ACTR10: variants seen among roughly 807,000 people sequenced by gnomAD.
ACTR10 encodes the protein actin related protein 10.
Under a neutral mutation model 56.2 loss-of-function variants are expected in ACTR10, and 43 were observed. The observed-to-expected ratio is 0.77, with a 90% CI of 0.60 to 0.99. ACTR10 has a LOEUF of 0.99. Ranked by LOEUF, ACTR10 falls within the 50% of genes least tolerant of loss-of-function variation. ACTR10 has a pLI of 0.00. For missense variants in ACTR10, 466 were observed against 507.8 expected (o/e 0.92, Z 0.79); for synonymous variants, 170 against 176.3 (o/e 0.96, Z 0.28).
intron 2 of ACTR10, 35 bp downstream of exon 2, chr14:58,202,962 A>G (rs750883909): frequency 3.0e-6 from 4 of 1,330,668 alleles, no homozygotes; most frequent in Non-Finnish European, 4.3e-6. Context: ...AATAAATGCC[A>G]TACTATAAAA....
At chr14:58,219,777 TG>T (rs1889221012) in intron 8 of ACTR10, 48 bp downstream of exon 8, 1 of 1,251,476 alleles carries the variant, frequency 8.0e-7, no homozygotes, top group Non-Finnish European at 1.1e-6. Flanking sequence ...AGTGTTACTT[TG>T]GAGGGCATAT....
chr14:58,216,536 A>G lies in ACTR10; in HGVS notation c.598+1252A>G, dbSNP rs973029550. Among the ~76,000 whole-genome samples the G allele has an allele frequency of 2.0e-5, 3 of 152,332 alleles. No homozygotes were observed. In the East Asian group the frequency reaches 5.8e-4, roughly 29 times the overall value. On this transcript the variant is annotated intron_variant, in intron 7 of 12. Coordinates refer to ENST00000254286, the MANE Select transcript of ACTR10 (RefSeq NM_018477.3). ...TCTGTTGGATATAAATGTTTCTTCAAAATCTGAGTTTGTTCTACCTCTTAT... is the reference window on the plus strand; with the variant it reads ...TCTGTTGGATATAAATGTTTCTTCAGAATCTGAGTTTGTTCTACCTCTTAT...
chr14:58,208,940 A>T, intron 3 of ACTR10, 59 bp from the exon 4 acceptor site: 1 of 1,121,456 alleles, frequency 8.9e-7, no homozygotes, highest in Non-Finnish European at 1.3e-6. Context: ...CTTAAATTGT[A>T]TGACTTAACA....
chr14:58,223,877 G>T (rs200157500), intron 10 of ACTR10, 21 bp downstream of exon 10: 1 of 1,564,330 alleles, frequency 6.4e-7, no homozygotes, highest in Non-Finnish European at 8.7e-7. Context: ...AAATTTTTAC[G>T]GCAAAGTAGT....
rs756526226 is a variant in ACTR10 at position 58,225,807 on chromosome 14, G to T, written c.788+1951G>T. On this transcript the variant is annotated intron_variant, in intron 10 of 12. Coordinates refer to ENST00000254286, the MANE Select transcript of ACTR10 (RefSeq NM_018477.3). Reference sequence around the variant, plus strand: ...GGCTCACTGCAGCCTCCTTCTCCTGGGTTCAAGCAATTCTCATGCCTCAAC... The same window carrying T: ...GGCTCACTGCAGCCTCCTTCTCCTGTGTTCAAGCAATTCTCATGCCTCAAC... Among the ~76,000 whole-genome samples the T allele has an allele frequency of 2.6e-5, 4 of 151,660 alleles. No homozygotes were observed. The East Asian group carries it at 7.7e-4, about 29-fold the overall frequency.
At chr14:58,221,450 A>G (rs1277020762) in intron 8 of ACTR10, among the ~76,000 whole-genome samples, 2 of 151,968 alleles carry the variant, frequency 1.3e-5, no homozygotes, top group Non-Finnish European at 2.9e-5. Context: ...AAAATTAACC[A>G]GGTGTGGTGG....
chr14:58,201,437 T>TA (rs928910603), intron 1 of ACTR10, among the ~76,000 whole-genome samples: 2 of 151,836 alleles, frequency 1.3e-5, no homozygotes, highest in East Asian at 1.9e-4. Flanking sequence ...ATGTATGAAG[T>TA]AAAAAAAAGG....
At chr14:58,226,261 A>G (rs1409423349) in intron 10 of ACTR10, among the ~76,000 whole-genome samples, 2 of 151,906 alleles carry the variant, frequency 1.3e-5, no homozygotes, top group African/African-American at 2.4e-5. Context: ...GTGAGACCCC[A>G]TCTCTTTTTT....
At chr14:58,231,513 G>A (rs569292467) in intron 11 of ACTR10, among the ~76,000 whole-genome samples, 69 of 152,198 alleles carry the variant, frequency 4.5e-4, no homozygotes, top group Admixed American at 1.9e-3. Flanking sequence ...ATAGGACTTC[G>A]CATGAAATAC....
intron 8 of ACTR10, among the ~76,000 whole-genome samples, chr14:58,220,042 T>C (rs1889226352): frequency 6.6e-6 from 1 of 152,176 alleles, no homozygotes; most frequent in Non-Finnish European, 1.5e-5. Context: ...TGGTTTGATG[T>C]AGTATAATGT....
intron 5 of ACTR10, 140 bp downstream of exon 5, chr14:58,211,539 G>T: frequency 1.7e-6 from 1 of 600,716 alleles, no homozygotes. Flanking sequence ...TGTGGAAAAA[G>T]TTCACAGGAT....
chr14:58,213,734 T>C, intron 6 of ACTR10, 36 bp downstream of exon 6: 1 of 1,531,302 alleles, frequency 6.5e-7, no homozygotes. Context: ...TCATTTCACC[T>C]GTGCCACAAA....
At chr14:58,210,226 ATATC>A (rs1294895766) in intron 4 of ACTR10, among the ~76,000 whole-genome samples, 2 of 152,208 alleles carry the variant, frequency 1.3e-5, no homozygotes, top group Non-Finnish European at 2.9e-5. Flanking sequence ...TTTTGATTGA[ATATC>A]TAGTATTTGA....
intron 2 of ACTR10, 137 bp from the exon 3 acceptor site, chr14:58,207,799 T>C: frequency 2.3e-6 from 1 of 434,086 alleles, no homozygotes; most frequent in Non-Finnish European, 3.6e-6. Context: ...GATTACTCTG[T>C]ATTTAATTTT....
At chr14:58,231,817 G>T (rs1889542226) in intron 11 of ACTR10, among the ~76,000 whole-genome samples, 1 of 152,134 alleles carries the variant, frequency 6.6e-6, no homozygotes, top group African/African-American at 2.4e-5. Context: ...TATGCTTTTA[G>T]ACTTTAAACT....
chr14:58,232,214 C>G lies in ACTR10; in HGVS notation c.1019C>G (p.Thr340Arg), dbSNP rs747556571. The change falls in exon 12 of 13, where the codon ACA (threonine) becomes AGA (arginine). Residue 340 changes from threonine (T) to arginine (R), a missense_variant. Coordinates refer to ENST00000254286, the MANE Select transcript of ACTR10 (RefSeq NM_018477.3). ...PKYKKALGTKTFRIHTPPAKA... is the reference protein window; with the variant it reads ...PKYKKALGTKRFRIHTPPAKA... ...TATAAAAAAGCACTTGGCACTAAGA[C>G]ATTTCGAATTCATACTCCACCTGCA... 1 of 1,613,620 alleles carries G rather than the reference C, an allele frequency of 6.2e-7. No homozygotes were observed. Among genetic ancestry groups the G allele is most frequent in the Non-Finnish European group, 8.5e-7 (1 of 1,179,900 alleles).
chr14:58,213,728 TTC>T, intron 6 of ACTR10, 30 bp downstream of exon 6: 2 of 1,558,924 alleles, frequency 1.3e-6, no homozygotes, highest in Admixed American at 3.4e-5. Flanking sequence ...ACATATTCAT[TTC>T]ACCTGTGCCA....
In ACTR10 at chr14:58,211,280, G is replaced by C. The variant is rs1001407339; in HGVS notation, c.343-12G>C. The stretch of plus-strand genomic sequence containing the variant: ...ATTCCGGTTTTGTTGTATTGATTTT[G>C]TTATTTTCTAGGTTCCATCTGTCTT... On this transcript the variant is annotated splice_polypyrimidine_tract_variant and intron_variant, in intron 4 of 12. Transcript: ENST00000254286. 1 of 1,590,168 alleles carries C rather than the reference G, an allele frequency of 6.3e-7. No individual in the cohort carries two copies. The highest frequency in any genetic ancestry group is 8.6e-7 in the Non-Finnish European group (1 of 1,159,974).
chr14:58,207,747 C>T (rs1888901191), intron 2 of ACTR10, among the ~76,000 whole-genome samples, 189 bp from the exon 3 acceptor site: 1 of 152,158 alleles, frequency 6.6e-6, no homozygotes, highest in African/African-American at 2.4e-5. Context: ...AAACATTCTG[C>T]CATCTTAGAC....
Sources: allele counts gnomAD v4.1 joint callset (sites outside exome capture counted in the v4.1 genomes callset), GRCh38; gene constraint gnomAD v4.1.1; transcripts MANE v1.5; gene names NCBI Gene and HGNC (gene_info 2026-07-23, HGNC 2026-07-21).